The following NCAM2 variants were observed in gnomAD, a reference collection of about 807,000 sequenced individuals.
NCAM2 encodes N-CAM-2.
A neutral mutation model predicts 98.1 loss-of-function variants in NCAM2; 30 were observed. That is an observed-to-expected ratio of 0.31 (90% confidence interval 0.23 to 0.41). The LOEUF (loss-of-function observed/expected upper bound fraction) is 0.41. Among genes scored for constraint, NCAM2 ranks in the 10% least tolerant of loss-of-function variants. The pLI, the probability that NCAM2 is intolerant of heterozygous loss-of-function variation, is 1.00. For synonymous variants in NCAM2, 368 were observed against 342.4 expected (o/e 1.07, Z -0.83); for missense variants, 867 against 1,005.8 (o/e 0.86, Z 1.87).
chr21:21,363,555 T>C (rs1032179404), intron 8 of NCAM2, among the ~76,000 whole-genome samples: 27 of 152,234 alleles, frequency 1.8e-4, no homozygotes, highest in African/African-American at 5.5e-4. Context: ...TTCGTGGGTC[T>C]TTAGCTCCCC....
intron 1 of NCAM2, among the ~76,000 whole-genome samples, chr21:21,170,414 A>G (rs2068084520): frequency 6.6e-6 from 1 of 152,212 alleles, no homozygotes. Flanking sequence ...CAGTCAAATA[A>G]TGAAAAGTCA....
intron 2 of NCAM2, among the ~76,000 whole-genome samples, chr21:21,283,836 A>G (rs1363106938): frequency 1.3e-5 from 2 of 151,938 alleles, no homozygotes; most frequent in African/African-American, 2.4e-5. Context: ...GATATTATCT[A>G]TAAGTGGGTT....
intron 16 of NCAM2, among the ~76,000 whole-genome samples, chr21:21,530,258 TTTA>T (rs1229734065): frequency 7.6e-6 from 1 of 130,948 alleles, no homozygotes; most frequent in African/African-American, 2.8e-5. Flanking sequence ...TTATATATAA[TTTA>T]ATTTAATTAT....
At chr21:21,433,973 C>T (rs1475361023) in intron 12 of NCAM2, among the ~76,000 whole-genome samples, 1 of 152,100 alleles carries the variant, frequency 6.6e-6, no homozygotes, top group Admixed American at 6.6e-5. Context: ...TGCACCCTAG[C>T]CCTGCCAAAC....
intron 1 of NCAM2, among the ~76,000 whole-genome samples, chr21:21,010,527 C>G (rs1376750416): frequency 1.3e-5 from 2 of 152,194 alleles, no homozygotes; most frequent in South Asian, 2.1e-4. Flanking sequence ...AAAATAGCCT[C>G]CTTCCTACAC....
At position 21,440,333 on chromosome 21, in the gene NCAM2, G is replaced by T. The variant is rs764922159; in HGVS notation, c.1654+8052G>T. 2.6e-5 allele frequency among the ~76,000 whole-genome samples: 4 copies of T among 152,094 alleles called. No individual in the cohort carries two copies. In the East Asian group the frequency reaches 5.8e-4, roughly 22 times the overall value. ...ATATTAGTAGTAAATAAACTACAGA[G>T]TTTATTATGAAATGTCATTTTTAAC... On this transcript the variant is annotated intron_variant, in intron 12 of 17. Transcript: ENST00000400546.
At position 21,318,200 on chromosome 21, in the gene NCAM2, C is replaced by T. The variant is rs906005467; in HGVS notation, c.620-6183C>T. On this transcript the variant is annotated intron_variant, in intron 5 of 17. Coordinates refer to ENST00000400546, the MANE Select transcript of NCAM2 (RefSeq NM_004540.5). The stretch of plus-strand genomic sequence containing the variant: ...AGAATATTGTTAACTGTAGAATATA[C>T]GCTGAAAGAATATAAAAATTGCCAT... 6.6e-5 allele frequency among the ~76,000 whole-genome samples: 10 copies of T among 152,146 alleles called. No homozygotes were observed. In the East Asian group the frequency reaches 1.2e-3, roughly 18 times the overall value.
At chr21:21,218,491 T>C (rs963312568) in intron 1 of NCAM2, among the ~76,000 whole-genome samples, 1 of 152,162 alleles carries the variant, frequency 6.6e-6, no homozygotes, top group African/African-American at 2.4e-5. Flanking sequence ...ATAATTAAGA[T>C]TGCCAATGAA....
intron 8 of NCAM2, among the ~76,000 whole-genome samples, chr21:21,343,553 G>A (rs2075107079): frequency 6.6e-6 from 1 of 152,188 alleles, no homozygotes; most frequent in African/African-American, 2.4e-5. Flanking sequence ...GGTGTCGAGA[G>A]CTTCTCTGGG....
rs574745698 is a variant in NCAM2, at chr21:21,082,757, T to G, written c.55+84139T>G. Among the ~76,000 whole-genome samples, 4 of 152,324 alleles carry G rather than the reference T, an allele frequency of 2.6e-5. No individual in the cohort carries two copies. In the South Asian group the frequency reaches 8.3e-4, roughly 32 times the overall value. On this transcript the variant is annotated intron_variant, in intron 1 of 17. Transcript: ENST00000400546. ...TTTATGTATTAGAACTGCCGTTTTC[T>G]CCTCTCCATCTTTTTGTTCTAGCTG...
chr21:21,021,145 A>G (rs2064426811), intron 1 of NCAM2, among the ~76,000 whole-genome samples: 1 of 152,158 alleles, frequency 6.6e-6, no homozygotes. Flanking sequence ...GGAAATGGGA[A>G]ACTATACTTA....
In NCAM2 at chr21:21,411,085, T is replaced by C. The variant is rs796413520; in HGVS notation, c.1383+624T>C. ...ATATATATATACACACACATATATATATGTGTGTATATATATACATATATA... is the reference window on the plus strand; with the variant it reads ...ATATATATATACACACACATATATACATGTGTGTATATATATACATATATA... On this transcript the variant is annotated intron_variant, in intron 10 of 17. Transcript: ENST00000400546. 7.1e-3 allele frequency among the ~76,000 whole-genome samples: 326 copies of C among 45,936 alleles called. 19 individuals are homozygous for C. Among genetic ancestry groups the C allele is most frequent in the African/African-American group, 0.031 (310 of 10,038 alleles). 30.1% of individuals were successfully genotyped at this position (45,936 alleles called of 152,430 possible).
At chr21:21,224,653 A>G (rs1169645585) in intron 1 of NCAM2, among the ~76,000 whole-genome samples, 1 of 152,114 alleles carries the variant, frequency 6.6e-6, no homozygotes, top group Non-Finnish European at 1.5e-5. Context: ...TACAGTGGCA[A>G]TATTTGGTAA....
In NCAM2 at chr21:21,541,851, A is replaced by G. The variant is rs2146448449; in HGVS notation, c.*3894A>G. On this transcript the variant is annotated 3_prime_UTR_variant, in exon 18 of 18. Coordinates refer to ENST00000400546, the MANE Select transcript of NCAM2 (RefSeq NM_004540.5). ...TTTCATGCTCATACTCATAATCATTATCACATAATGTGCTTATTCAACAAA... is the reference window on the plus strand; with the variant it reads ...TTTCATGCTCATACTCATAATCATTGTCACATAATGTGCTTATTCAACAAA... 1 of 151,964 alleles carries G rather than the reference A, an allele frequency of 6.6e-6. No homozygotes were observed. The highest frequency in any genetic ancestry group is 2.1e-4 in the South Asian group (1 of 4,832). The allele number at this position is 151,964 out of a possible 1,614,324, so 9.4% of individuals were successfully genotyped here.
At chr21:21,402,881 A>G (rs2076662415) in intron 9 of NCAM2, among the ~76,000 whole-genome samples, 1 of 152,148 alleles carries the variant, frequency 6.6e-6, no homozygotes, top group South Asian at 2.1e-4. Context: ...ACCTCCATAC[A>G]GTTTTTCATA....
intron 5 of NCAM2, among the ~76,000 whole-genome samples, chr21:21,300,661 T>G (rs2147640685): frequency 6.6e-6 from 1 of 152,202 alleles, no homozygotes; most frequent in Non-Finnish European, 1.5e-5. Context: ...TAAGGTATAC[T>G]GTAGAGATTT....
At chr21:21,383,444 G>T (rs1053665579) in intron 9 of NCAM2, among the ~76,000 whole-genome samples, 1 of 152,008 alleles carries the variant, frequency 6.6e-6, no homozygotes, top group Non-Finnish European at 1.5e-5. Context: ...ACAAGTTTTA[G>T]TTACCACGAT....
chr21:21,230,615 C>T (rs1251940228), intron 1 of NCAM2, among the ~76,000 whole-genome samples: 1 of 151,298 alleles, frequency 6.6e-6, no homozygotes, highest in Non-Finnish European at 1.5e-5. Context: ...AAGTCTGTCT[C>T]ATTCATATTT....
At chr21:21,452,784 C>A (rs1418264292) in intron 12 of NCAM2, among the ~76,000 whole-genome samples, 1 of 76,052 alleles carries the variant, frequency 1.3e-5, no homozygotes, top group African/African-American at 5.4e-5. Context: ...TATAGTATTA[C>A]TTTATATATA....
Sources: allele counts gnomAD v4.1 joint callset (sites outside exome capture counted in the v4.1 genomes callset), GRCh38; gene constraint gnomAD v4.1.1; transcripts MANE v1.5; gene names NCBI Gene and HGNC (gene_info 2026-07-23, HGNC 2026-07-21).